Variants in SELENBP1 observed in about 807,000 individuals in gnomAD.
SELENBP1 encodes methanethiol oxidase.
SELENBP1 carries 71 observed loss-of-function variants against 61.0 expected under a neutral mutation model. The ratio of observed to expected loss-of-function variants is 1.16; its 90% CI spans 0.96 to 1.42. The LOEUF (loss-of-function observed/expected upper bound fraction) is 1.42, where lower values mean the gene tolerates loss of function less well. SELENBP1 is among the 40% of genes most tolerant of loss of function. SELENBP1 has a pLI of 0.00. For missense variants in SELENBP1, 561 were observed against 605.0 expected, an observed-to-expected ratio of 0.93 and a Z score of 0.76; for synonymous variants, 270 against 238.9, an observed-to-expected ratio of 1.13 and a Z score of -1.20.
chr1:151,369,348 G>A, intron 3 of SELENBP1, 94 bp downstream of exon 3: 3 of 1,421,550 alleles, frequency 2.1e-6, no homozygotes, highest in Non-Finnish European at 1.9e-6. Context: ...CCCCAGGGAG[G>A]GCCAAGAAGG....
At chr1:151,371,894 T>C (rs893536521) in intron 1 of SELENBP1, among the ~76,000 whole-genome samples, 1 of 151,882 alleles carries the variant, frequency 6.6e-6, no homozygotes, top group African/African-American at 2.4e-5. Flanking sequence ...TCAAGCAAGG[T>C]CTCGGAGCAG....
At chr1:151,369,588 G>A (rs1481461702) in intron 2 of SELENBP1, 34 bp from the exon 3 acceptor site, 12 of 1,574,468 alleles carry the variant, frequency 7.6e-6, no homozygotes, top group Non-Finnish European at 1.0e-5. Context: ...AGGGACGGCA[G>A]GGTGGGAAGG....
Position 151,369,116 on chromosome 1 carries a change from C to G in SELENBP1, c.248G>C (p.Cys83Ser). The G allele has an allele frequency of 1.9e-6, 3 of 1,614,052 alleles. No individual in the cohort carries two copies. Residue 83 changes from cysteine (C) to serine (S), a missense_variant, in exon 4 of 12, where the codon TGC becomes TCC. By Grantham distance (112) the Cys-to-Ser change is moderately radical. Transcript: ENST00000368868. ...GCGCGACTTGGTGCTATCACCGAAG[C>G]AGCTGCTGCAGGTGTTCCATCCTGA... ...HHSGWNTCSS[C>S]FGDSTKSRTK...
chr1:151,365,982 T>C, intron 7 of SELENBP1, 136 bp from the exon 8 acceptor site: 2 of 938,440 alleles, frequency 2.1e-6, no homozygotes, highest in Non-Finnish European at 1.6e-6. Flanking sequence ...CAGCAGGATC[T>C]AACTCCATGC....
intron 1 of SELENBP1, 128 bp from the exon 2 acceptor site, chr1:151,369,897 C>T: frequency 1.3e-6 from 2 of 1,549,012 alleles, no homozygotes; most frequent in South Asian, 2.4e-5. Flanking sequence ...ACTCCAGCCT[C>T]ATCGCTCTGG....
chr1:151,370,243 T>C, intron 1 of SELENBP1: 1 of 258,810 alleles, frequency 3.9e-6, no homozygotes, highest in Non-Finnish European at 7.9e-6. Context: ...AGCTCTGTGT[T>C]TGTCTGGTCG....
rs370134575 is a variant in SELENBP1 at position 151,366,861 on chromosome 1, C to G, written c.525G>C (p.Gly175=). The G allele has an allele frequency of 6.2e-7, 1 of 1,614,148 alleles. No individual in the cohort carries two copies. Among genetic ancestry groups the G allele is most frequent in the East Asian group, 2.2e-5 (1 of 44,880 alleles). Reference sequence around the variant, plus strand: ...CAGCACCCCCAGGTCTCTCCCATGTCCCCTTCACCTCGAACGTCTCCCCAT... The same window carrying G: ...CAGCACCCCCAGGTCTCTCCCATGTGCCCTTCACCTCGAACGTCTCCCCAT... The part of the protein sequence containing the change: ...LLDGETFEVK[G]TWERPGGAAP... The change falls in exon 6 of 12, where the codon GGG becomes GGC. Residue 175 remains glycine (G), a synonymous_variant. Transcript: ENST00000368868.
intron 11 of SELENBP1, 100 bp downstream of exon 11, chr1:151,364,826 T>C (rs1018013167): frequency 4.7e-6 from 7 of 1,483,180 alleles, no homozygotes; most frequent in Middle Eastern, 1.8e-4. Flanking sequence ...GCCATCTGTG[T>C]GGTGGGGTAC....
Position 151,366,415 on chromosome 1 carries a change from G to C in SELENBP1, c.703C>G (p.Arg235Gly). ...GACAGGGTCTGCACAATCTCATGGC[G>C]CTGCCAGTCCCATACATATAAGTGG... ...GSHLYVWDWQ[R>G]HEIVQTLSLK... Residue 235 changes from arginine (R) to glycine (G), a missense_variant, in exon 7 of 12, where the codon CGC becomes GGC. Transcript: ENST00000368868. 1 of 1,614,006 alleles carries C rather than the reference G, an allele frequency of 6.2e-7. No individual in the cohort carries two copies. Among genetic ancestry groups the C allele is most frequent in the East Asian group, 2.2e-5 (1 of 44,880 alleles).
rs765409789 is a variant in SELENBP1 at position 151,365,621 on chromosome 1, T to A, written c.986A>T (p.His329Leu). 61 of 1,614,072 alleles carry A rather than the reference T, an allele frequency of 3.8e-5. No homozygotes were observed. Among genetic ancestry groups the A allele is most frequent in the Non-Finnish European group, 4.9e-5 (58 of 1,180,032 alleles). The change falls in exon 9 of 12, where the codon CAT (histidine) becomes CTT (leucine). Residue 329 changes from histidine (H) to leucine (L), a missense_variant. By Grantham distance (99) the His-to-Leu change is moderately conservative. Coordinates refer to ENST00000368868, the MANE Select transcript of SELENBP1 (RefSeq NM_003944.4). The part of the protein sequence containing the change: ...DRFLYFSNWL[H>L]GDLRQYDISD... ...GATGTCATACTGCCTCAGGTCCCCATGCAGCCAGTTGCTGAAGTAGAGGAA... is the reference window on the plus strand; with the variant it reads ...GATGTCATACTGCCTCAGGTCCCCAAGCAGCCAGTTGCTGAAGTAGAGGAA...
chr1:151,371,409 A>G (rs1652132621), intron 1 of SELENBP1, among the ~76,000 whole-genome samples: 1 of 151,286 alleles, frequency 6.6e-6, no homozygotes, highest in African/African-American at 2.4e-5. Context: ...TGAAATTCTG[A>G]CTAAAAAAAA....
intron 1 of SELENBP1, among the ~76,000 whole-genome samples, chr1:151,371,996 G>GCTCGGCATTCTGCCCC (rs1553206178): frequency 6.6e-6 from 1 of 152,236 alleles, no homozygotes; most frequent in Non-Finnish European, 1.5e-5. Flanking sequence ...CATTCTGCCA[G>GCTCGGCATTCTGCCCC]CTCAAGAGCC....
At position 151,364,687 on chromosome 1, in the gene SELENBP1, C is replaced by A. The variant is rs1310261048; in HGVS notation, c.1275G>T (p.Leu425=). 1.9e-6 allele frequency: 3 copies of A among 1,594,636 alleles called. No individual in the cohort carries two copies. Among genetic ancestry groups the A allele is most frequent in the Non-Finnish European group, 2.6e-6 (3 of 1,169,072 alleles). ...CTTTTACTGTGTCTACATCAACCTG[C>A]AGCATCACAGAGCCTTCCCTGGTGG... ...PDLIREGSVM[L]QVDVDTVKGG... The change falls in exon 12 of 12, where the codon CTG becomes CTT. Residue 425 remains leucine, a synonymous_variant. Coordinates refer to ENST00000368868, the MANE Select transcript of SELENBP1 (RefSeq NM_003944.4).
chr1:151,364,799 G>A lies in SELENBP1; in HGVS notation c.1257-94C>T, dbSNP rs1428124315. ...GGAAAGCTCCTGAGGAAGGAGGAAT[G>A]ACCAGGGTCTCAATGGGCCATCTGT... On this transcript the variant is annotated intron_variant, in intron 11 of 11. Transcript: ENST00000368868. 4.0e-6 allele frequency: 6 copies of A among 1,508,136 alleles called. No individual in the cohort carries two copies. In the African/African-American group the frequency reaches 7.0e-5, roughly 17 times the overall value. The allele number at this position is 1,508,136 out of a possible 1,614,324, so 93.4% of individuals were successfully genotyped here. A position where few individuals can be genotyped will look rare whatever the true frequency, so the allele number is the denominator to read the frequency against.
intron 5 of SELENBP1, among the ~76,000 whole-genome samples, chr1:151,367,510 C>G (rs902082182): frequency 6.6e-6 from 1 of 152,080 alleles, no homozygotes; most frequent in Non-Finnish European, 1.5e-5. Context: ...CTCTCTCAGA[C>G]CACAGCAGAA....
chr1:151,369,794 G>T (rs772030489), intron 1 of SELENBP1, 25 bp from the exon 2 acceptor site: 69 of 1,551,682 alleles, frequency 4.4e-5, no homozygotes, highest in Non-Finnish European at 3.0e-5. Flanking sequence ...GGGCGCATTG[G>T]CTGGGCCACG....
At chr1:151,372,579 C>T in intron 1 of SELENBP1, 59 bp downstream of exon 1, 1 of 1,611,294 alleles carries the variant, frequency 6.2e-7, no homozygotes, top group South Asian at 1.1e-5. Flanking sequence ...TGGAGGAGGG[C>T]CTTCCAAATT....
chr1:151,366,911 A>C lies in SELENBP1; in HGVS notation c.482-7T>G, dbSNP rs1419568432. ...TCCAGCAGCACAAAACCCCCTGAACAGGGAAGGAAGCAGGGTGGCAGGTAG... is the reference window on the plus strand; with the variant it reads ...TCCAGCAGCACAAAACCCCCTGAACCGGGAAGGAAGCAGGGTGGCAGGTAG... On this transcript the variant is annotated splice_region_variant and splice_polypyrimidine_tract_variant and intron_variant, in intron 5 of 11. Coordinates refer to ENST00000368868, the MANE Select transcript of SELENBP1 (RefSeq NM_003944.4). The C allele has an allele frequency of 6.2e-7, 1 of 1,612,782 alleles. No individual in the cohort carries two copies. Among genetic ancestry groups the C allele is most frequent in the Admixed American group, 1.7e-5 (1 of 59,962 alleles).
Position 151,370,052 on chromosome 1 carries a change from T to A in SELENBP1, c.5-283A>T. The A allele has an allele frequency of 2.2e-6, 3 of 1,393,678 alleles. No homozygotes were observed. In the Admixed American group the frequency reaches 8.6e-5, roughly 40 times the overall value. 86.3% of individuals were successfully genotyped at this position (1,393,678 alleles called of 1,614,324 possible). A position where few individuals can be genotyped will look rare whatever the true frequency, so the allele number is the denominator to read the frequency against. On this transcript the variant is annotated intron_variant, in intron 1 of 11. Coordinates refer to ENST00000368868, the MANE Select transcript of SELENBP1 (RefSeq NM_003944.4). The stretch of plus-strand genomic sequence containing the variant: ...GGCTGATGCAGCCGGGGTCGTGTGG[T>A]GTAGTGAATATGACACGGACTCGGG...
Sources: allele counts gnomAD v4.1 joint callset (sites outside exome capture counted in the v4.1 genomes callset), GRCh38; gene constraint gnomAD v4.1.1; transcripts MANE v1.5; gene names NCBI Gene and HGNC (gene_info 2026-07-23, HGNC 2026-07-21).